Variants in BMERB1 observed in about 807,000 individuals in gnomAD.
The protein encoded by BMERB1 is bMERB domain-containing protein 1.
BMERB1 carries 12 observed loss-of-function variants against 23.6 expected under a neutral mutation model. The observed-to-expected ratio is 0.51, with a 90% confidence interval of 0.33 to 0.82. The LOEUF (loss-of-function observed/expected upper bound fraction) is 0.82, where lower values mean the gene tolerates loss of function less well. Among genes scored for constraint, BMERB1 ranks in the 40% least tolerant of loss-of-function variants. The probability of loss-of-function intolerance (pLI) is 0.03; values close to 1 mark genes in which losing one functional copy is unlikely to be tolerated. For missense variants in BMERB1, 247 were observed against 255.4 expected, an observed-to-expected ratio of 0.97 and a Z score of 0.22; for synonymous variants, 122 against 96.6, an observed-to-expected ratio of 1.26 and a Z score of -1.54.
intron 2 of BMERB1, among the ~76,000 whole-genome samples, chr16:15,534,934 T>C (rs576599039): frequency 7.4e-4 from 112 of 152,326 alleles, no homozygotes; most frequent in Admixed American, 3.3e-3. Context: ...AAGATACATA[T>C]GGGTACCATC....
chr16:15,518,134 A>C (rs2051796962), intron 2 of BMERB1, among the ~76,000 whole-genome samples: 1 of 152,180 alleles, frequency 6.6e-6, no homozygotes. Flanking sequence ...ATTTCTTAAG[A>C]GGCAGCTCTG....
intron 1 of BMERB1, among the ~76,000 whole-genome samples, chr16:15,451,170 C>T (rs557212663): frequency 3.9e-5 from 6 of 152,250 alleles, no homozygotes; most frequent in East Asian, 3.9e-4. Flanking sequence ...TGCAACCTTT[C>T]GTTTGTTTGT....
chr16:15,549,210 G>A (rs1027822764), intron 2 of BMERB1, among the ~76,000 whole-genome samples: 1 of 151,932 alleles, frequency 6.6e-6, no homozygotes. Flanking sequence ...ATGGTGGCTG[G>A]TGCCTGTAAT....
At chr16:15,573,960 A>C (rs545385501) in intron 3 of BMERB1, among the ~76,000 whole-genome samples, 1 of 142,330 alleles carries the variant, frequency 7.0e-6, no homozygotes, top group East Asian at 2.1e-4. Context: ...ATCTCATGGA[A>C]CTCACTCACT....
At chr16:15,538,322 G>A (rs893558220) in intron 2 of BMERB1, among the ~76,000 whole-genome samples, 4 of 152,058 alleles carry the variant, frequency 2.6e-5, no homozygotes, top group Non-Finnish European at 5.9e-5. Flanking sequence ...GCATGGTGGT[G>A]TGCACCTGTA....
At chr16:15,515,576 C>G (rs1454075419) in intron 2 of BMERB1, 148 bp downstream of exon 2, 1 of 1,186,274 alleles carries the variant, frequency 8.4e-7, no homozygotes, top group East Asian at 2.7e-5. Context: ...TCACCACCAC[C>G]CAGGGAAGTG....
At chr16:15,568,097 G>A (rs1366666269) in intron 3 of BMERB1, 41 bp downstream of exon 3, 1 of 1,597,546 alleles carries the variant, frequency 6.3e-7, no homozygotes, top group African/African-American at 1.3e-5. Flanking sequence ...ACAGGTGCTT[G>A]GGGGCCCCCA....
At chr16:15,541,021 CT>C (rs2052072977) in intron 2 of BMERB1, among the ~76,000 whole-genome samples, 2 of 152,168 alleles carry the variant, frequency 1.3e-5, no homozygotes, top group African/African-American at 4.8e-5. Flanking sequence ...CAGACTGCCC[CT>C]ATCTCAGATG....
At chr16:15,530,876 G>A (rs1386079520) in intron 2 of BMERB1, among the ~76,000 whole-genome samples, 1 of 150,592 alleles carries the variant, frequency 6.6e-6, no homozygotes, top group Non-Finnish European at 1.5e-5. Context: ...GTGGAACTGT[G>A]AGTCAATTAA....
intron 1 of BMERB1, among the ~76,000 whole-genome samples, chr16:15,460,313 C>T (rs898537455): frequency 1.4e-4 from 22 of 151,936 alleles, no homozygotes; most frequent in African/African-American, 4.1e-4. Flanking sequence ...GGTAGGGACT[C>T]GGGAACCATC....
chr16:15,587,455 G>A lies in BMERB1; in HGVS notation c.*626G>A. 1 of 356,094 alleles carries A rather than the reference G, an allele frequency of 2.8e-6. No individual in the cohort carries two copies. 22.1% of individuals were successfully genotyped at this position (356,094 alleles called of 1,614,324 possible). Reference sequence around the variant, plus strand: ...TCCCGCTTCCCCCCATCCTGTGTCTGGGCACAGTTCACATCAGGACAGCGT... The same window carrying A: ...TCCCGCTTCCCCCCATCCTGTGTCTAGGCACAGTTCACATCAGGACAGCGT... On this transcript the variant is annotated 3_prime_UTR_variant, in exon 6 of 6. Coordinates refer to ENST00000300006, the MANE Select transcript of BMERB1 (RefSeq NM_033201.3).
chr16:15,539,108 C>T lies in BMERB1; in HGVS notation c.230+23680C>T, dbSNP rs139978169. Among the ~76,000 whole-genome samples the T allele has an allele frequency of 4.8e-3, 735 of 152,246 alleles. 3 individuals are homozygous for T. The highest frequency in any genetic ancestry group is 7.5e-3 in the Non-Finnish European group (510 of 68,020). On this transcript the variant is annotated intron_variant, in intron 2 of 5. Coordinates refer to ENST00000300006, the MANE Select transcript of BMERB1 (RefSeq NM_033201.3). ...TATAATGAAATAATTATACAACTCA[C>T]CATAATGTGGAATCAGTGGGAGCCC...
chr16:15,541,603 T>TA (rs1325803936), intron 2 of BMERB1, among the ~76,000 whole-genome samples: 1 of 145,284 alleles, frequency 6.9e-6, no homozygotes, highest in Non-Finnish European at 1.5e-5. Context: ...TTTTTAATTT[T>TA]TTTTTTTTTT....
intron 1 of BMERB1, among the ~76,000 whole-genome samples, chr16:15,462,407 C>T (rs1300322122): frequency 6.6e-6 from 1 of 152,046 alleles, no homozygotes; most frequent in Non-Finnish European, 1.5e-5. Flanking sequence ...CCGCCTTGGC[C>T]TCCCAAAGTG....
At chr16:15,566,221 A>G (rs1430076745) in intron 2 of BMERB1, among the ~76,000 whole-genome samples, 2 of 152,234 alleles carry the variant, frequency 1.3e-5, no homozygotes, top group African/African-American at 4.8e-5. Context: ...ATAATGTGTA[A>G]TGCAAAATTA....
At chr16:15,531,291 A>T (rs1376095327) in intron 2 of BMERB1, among the ~76,000 whole-genome samples, 1 of 152,016 alleles carries the variant, frequency 6.6e-6, no homozygotes, top group Non-Finnish European at 1.5e-5. Flanking sequence ...TTGGGATCTC[A>T]TCACCTTGCC....
At chr16:15,570,562 G>C (rs2030699390) in intron 3 of BMERB1, among the ~76,000 whole-genome samples, 2 of 152,096 alleles carry the variant, frequency 1.3e-5, no homozygotes, top group African/African-American at 2.4e-5. Context: ...CCTCAATGGT[G>C]ATGTTACCTG....
chr16:15,469,460 C>G (rs2051211199), intron 1 of BMERB1, among the ~76,000 whole-genome samples: 3 of 152,106 alleles, frequency 2.0e-5, no homozygotes, highest in Admixed American at 2.0e-4. Flanking sequence ...ATTATTTTAG[C>G]TCTTACAGGT....
intron 1 of BMERB1, among the ~76,000 whole-genome samples, chr16:15,479,588 A>T (rs974235056): frequency 6.6e-6 from 1 of 152,152 alleles, no homozygotes; most frequent in East Asian, 1.9e-4. Flanking sequence ...TTTTCCTTAT[A>T]TACTCCAACC....
Sources: allele counts gnomAD v4.1 joint callset (sites outside exome capture counted in the v4.1 genomes callset), GRCh38; gene constraint gnomAD v4.1.1; transcripts MANE v1.5; gene names NCBI Gene and HGNC (gene_info 2026-07-23, HGNC 2026-07-21).